The following CREBBP variants were observed in gnomAD, a reference collection of about 807,000 sequenced individuals.
CREBBP encodes the protein CREB binding lysine acetyltransferase.
A neutral mutation model predicts 265.0 loss-of-function variants in CREBBP; 19 were observed. The ratio of observed to expected loss-of-function variants is 0.07; its 90% confidence interval spans 0.05 to 0.11. The LOEUF (loss-of-function observed/expected upper bound fraction) is 0.11. CREBBP is among the 10% of genes least tolerant of loss of function. The pLI is 1.00. For synonymous variants in CREBBP, 1,457 were observed against 1,223.7 expected, an observed-to-expected ratio of 1.19 and a Z score of -3.98; for missense variants, 2,525 against 3,219.0, an observed-to-expected ratio of 0.78 and a Z score of 5.22.
At chr16:3,821,336 G>T (rs2054137980) in intron 2 of CREBBP, among the ~76,000 whole-genome samples, 1 of 152,196 alleles carries the variant, frequency 6.6e-6, no homozygotes, top group South Asian at 2.1e-4. Context: ...CCTGGACTGG[G>T]AGGCCCTCAC....
chr16:3,827,557 A>G (rs568702259), intron 2 of CREBBP, among the ~76,000 whole-genome samples: 8 of 152,064 alleles, frequency 5.3e-5, no homozygotes, highest in African/African-American at 1.9e-4. Context: ...ACGCCCGGCT[A>G]ATTTTTTATA....
intron 5 of CREBBP, among the ~76,000 whole-genome samples, chr16:3,791,620 T>G (rs542099804): frequency 6.6e-6 from 1 of 152,192 alleles, no homozygotes; most frequent in African/African-American, 2.4e-5. Flanking sequence ...ACTGCCATTA[T>G]AGCGACATGG....
At chr16:3,739,841 T>A in intron 24 of CREBBP, 117 bp from the exon 25 acceptor site, 2 of 1,429,594 alleles carry the variant, frequency 1.4e-6, no homozygotes, top group Admixed American at 1.7e-5. Context: ...CATGGCCACC[T>A]CCTCAGACCG....
At chr16:3,780,901 T>C (rs1482941529) in intron 7 of CREBBP, 23 bp from the exon 8 acceptor site, 2 of 1,612,668 alleles carry the variant, frequency 1.2e-6, no homozygotes, top group Admixed American at 1.7e-5. Flanking sequence ...TAAAGACACT[T>C]CATCCATCTA....
At chr16:3,775,070 C>T (rs1567303108) in intron 11 of CREBBP, among the ~76,000 whole-genome samples, 1 of 152,150 alleles carries the variant, frequency 6.6e-6, no homozygotes, top group Non-Finnish European at 1.5e-5. Flanking sequence ...GAAAGGACAG[C>T]ACCCTCACAA....
In CREBBP at chr16:3,879,889, G is replaced by C; in HGVS notation, c.28C>G (p.Pro10Ala). The C allele has an allele frequency of 1.2e-6, 2 of 1,612,760 alleles. No individual in the cohort carries two copies. The highest frequency in any genetic ancestry group is 2.2e-5 in the South Asian group (2 of 90,808). ...CTGAGTTTGGCTCTTTTGGGGTTGG[G>C]CGGTCCGTCCAGCAAGTTCTCAGCC... is the stretch of plus-strand genomic sequence containing the variant. MAENLLDGPPNPKRAKLSSP... is the reference protein window; with the variant it reads MAENLLDGPANPKRAKLSSP... The change falls in exon 1 of 31, where the codon CCC becomes GCC. Residue 10 changes from proline (P) to alanine (A), a missense_variant. Around this residue, in one of 19 missense-constraint regions of CREBBP, gnomAD observed 356 missense variants for 340.4 expected, o/e 1.05. Transcript: ENST00000262367.
intron 2 of CREBBP, among the ~76,000 whole-genome samples, chr16:3,812,548 G>A (rs1468844469): frequency 1.3e-5 from 2 of 151,028 alleles, no homozygotes; most frequent in Non-Finnish European, 2.9e-5. Context: ...CTAGATAAAG[G>A]CAGGAATGGG....
intron 2 of CREBBP, among the ~76,000 whole-genome samples, chr16:3,817,815 G>C (rs979033368): frequency 6.6e-6 from 1 of 152,188 alleles, no homozygotes; most frequent in Non-Finnish European, 1.5e-5. Flanking sequence ...CATGGGGGCA[G>C]GGGAGGGAGC....
chr16:3,814,164 AGT>A (rs35866243), intron 2 of CREBBP, among the ~76,000 whole-genome samples: 8,967 of 119,152 alleles, frequency 0.075, 651 homozygotes, highest in East Asian at 0.21. Flanking sequence ...AATGTTGTTT[AGT>A]GTGTGTGTGT....
chr16:3,764,499 C>T (rs943423495), intron 16 of CREBBP, among the ~76,000 whole-genome samples: 3 of 151,854 alleles, frequency 2.0e-5, no homozygotes, highest in Non-Finnish European at 4.4e-5. Flanking sequence ...TGGTCTTGAA[C>T]GCCTGGCCAT....
At chr16:3,834,424 A>G (rs2054402260) in intron 2 of CREBBP, among the ~76,000 whole-genome samples, 1 of 152,346 alleles carries the variant, frequency 6.6e-6, no homozygotes, top group East Asian at 1.9e-4. Flanking sequence ...ACATATTATT[A>G]AATGAATGAG....
chr16:3,758,188 T>C (rs2052632098), intron 17 of CREBBP, 140 bp from the exon 18 acceptor site: 6 of 909,500 alleles, frequency 6.6e-6, no homozygotes, highest in Non-Finnish European at 9.9e-6. Context: ...AAATAGGAAA[T>C]GAAAAGAAAA....
intron 19 of CREBBP, among the ~76,000 whole-genome samples, chr16:3,754,326 G>A (rs750011032): frequency 2.0e-5 from 3 of 152,182 alleles, no homozygotes; most frequent in Non-Finnish European, 2.9e-5. Context: ...GGCAGTCTAT[G>A]AGTGATAGAT....
chr16:3,745,466 T>C, intron 21 of CREBBP, 112 bp from the exon 22 acceptor site: 2 of 895,546 alleles, frequency 2.2e-6, no homozygotes, highest in South Asian at 1.4e-5. Flanking sequence ...CTTTGAGTAG[T>C]GCTGACATTA....
At chr16:3,730,452 A>C (rs534356320) in intron 30 of CREBBP, 2 of 159,276 alleles carry the variant, frequency 1.3e-5, no homozygotes, top group Admixed American at 1.2e-4. Flanking sequence ...CGCAAGCCCA[A>C]GTTACTGAAA....
intron 2 of CREBBP, among the ~76,000 whole-genome samples, chr16:3,817,513 G>A (rs1218200931): frequency 1.3e-5 from 2 of 152,120 alleles, no homozygotes; most frequent in Non-Finnish European, 2.9e-5. Flanking sequence ...GTGAGATCTA[G>A]TCTCGTAAAA....
rs75459669 is a variant in CREBBP at position 3,758,051 on chromosome 16, TA to T, written c.3370-4del. ...TTCTTTACGATGTCAAAATAGTCCT[TA>T]AAAAAAAAAAAATGGTCTCAGTATA... On this transcript the variant is annotated splice_region_variant and splice_polypyrimidine_tract_variant and intron_variant, in intron 17 of 30. Coordinates refer to ENST00000262367, the MANE Select transcript of CREBBP (RefSeq NM_004380.3). 0.13 allele frequency: 157,240 copies of T among 1,202,516 alleles called. 3,206 individuals carry two copies. Among genetic ancestry groups the T allele is most frequent in the African/African-American group, 0.37 (25,586 of 68,350 alleles). The allele number at this position is 1,202,516 out of a possible 1,614,324, so 74.5% of individuals were successfully genotyped here.
At chr16:3,738,765 A>G in intron 25 of CREBBP, 93 bp from the exon 26 acceptor site, 2 of 837,420 alleles carry the variant, frequency 2.4e-6, no homozygotes, top group Non-Finnish European at 4.0e-6. Context: ...TTTACTTTTT[A>G]GACAGGGTCT....
At chr16:3,746,589 C>T (rs778895877) in intron 21 of CREBBP, among the ~76,000 whole-genome samples, 3 of 152,152 alleles carry the variant, frequency 2.0e-5, no homozygotes, top group Non-Finnish European at 4.4e-5. Flanking sequence ...ATTCCTGTGC[C>T]GTCTCCAAAG....
Sources: gnomAD v4.1 joint callset for allele counts (sites outside exome capture counted in the v4.1 genomes callset) on GRCh38, gnomAD v4.1.1 for gene constraint, gnomAD v4.1.1 regional missense constraint, MANE v1.5 for transcripts, NCBI Gene and HGNC (gene_info 2026-07-23, HGNC 2026-07-21) for gene names.